Variants in C2orf72 observed in about 807,000 individuals in gnomAD.
C2orf72 encodes the protein chromosome 2 open reading frame 72, also known as uncharacterized protein C2orf72.
Under a neutral mutation model 14.4 loss-of-function variants are expected in C2orf72, and 16 were observed. The ratio of observed to expected loss-of-function variants is 1.11; its 90% CI spans 0.75 to 1.69. The LOEUF (loss-of-function observed/expected upper bound fraction) is 1.69. C2orf72 is among the 40% of genes most tolerant of loss of function. The pLI is 0.00. For synonymous variants in C2orf72, 168 were observed against 176.8 expected (o/e 0.95, Z 0.40); for missense variants, 371 against 358.3 (o/e 1.04, Z -0.29).
intron 1 of C2orf72, among the ~76,000 whole-genome samples, chr2:231,038,775 G>A (rs1559208579): frequency 1.3e-5 from 2 of 152,076 alleles, no homozygotes; most frequent in South Asian, 4.1e-4. Flanking sequence ...TGACGTGTGG[G>A]GAGGTGAGAG....
chr2:231,045,510 C>CTTT (rs1007020692), intron 2 of C2orf72, among the ~76,000 whole-genome samples: 239 of 87,420 alleles, frequency 2.7e-3, no homozygotes, highest in East Asian at 3.9e-3. Flanking sequence ...GTGTTTCAAT[C>CTTT]TTTTTTTTTT....
intron 1 of C2orf72, among the ~76,000 whole-genome samples, chr2:231,039,212 T>A (rs1258306063): frequency 6.6e-6 from 1 of 150,584 alleles, no homozygotes; most frequent in Admixed American, 6.7e-5. Context: ...TTAGGAGATA[T>A]ACCTAATGCT....
At chr2:231,046,741 C>T (rs1693422953) in intron 2 of C2orf72, 141 bp from the exon 3 acceptor site, 8 of 803,266 alleles carry the variant, frequency 1.0e-5, no homozygotes, top group Non-Finnish European at 5.8e-6. Flanking sequence ...AGGGTGTGTA[C>T]ATCGTTAAGG....
chr2:231,038,670 A>C (rs2125135713), intron 1 of C2orf72, among the ~76,000 whole-genome samples: 1 of 152,204 alleles, frequency 6.6e-6, no homozygotes, highest in South Asian at 2.1e-4. Context: ...CGGGAGCTCT[A>C]GGAGGGGCGG....
rs149449462 is a variant in C2orf72, at chr2:231,046,808, C to T, written c.749-74C>T. On this transcript the variant is annotated intron_variant, in intron 2 of 2. Transcript: ENST00000373640. ...GTAGGTATTTGCTGGGGACAACTTT[C>T]TCCTTTTCCTTCCTAGATAACTCAC... 2.0e-4 allele frequency: 291 copies of T among 1,443,636 alleles called. No homozygotes were observed. In the African/African-American group the frequency reaches 3.9e-3, roughly 19 times the overall value. The allele number at this position is 1,443,636 out of a possible 1,614,324, so 89.4% of individuals were successfully genotyped here.
chr2:231,042,227 A>C (rs1693353466), intron 2 of C2orf72, among the ~76,000 whole-genome samples: 1 of 152,122 alleles, frequency 6.6e-6, no homozygotes, highest in Non-Finnish European at 1.5e-5. Context: ...ACACCCCTCC[A>C]TGTCAATGCT....
At chr2:231,044,962 T>TATATATATATATATATATATAC (rs985747494) in intron 2 of C2orf72, among the ~76,000 whole-genome samples, 4 of 146,422 alleles carry the variant, frequency 2.7e-5, no homozygotes, top group African/African-American at 7.6e-5. Flanking sequence ...TATATATATA[T>TATATATATATATATATATATAC]ACACACACAC....
intron 1 of C2orf72, chr2:231,040,965 AC>A (rs1282783739): frequency 5.8e-6 from 1 of 172,272 alleles, no homozygotes; most frequent in African/African-American, 2.4e-5. Context: ...ATCAGAGGGA[AC>A]GTGCAGCTCT....
rs919616604 is a variant in C2orf72, at chr2:231,046,961, G to T, written c.828G>T (p.Gly276=). Reference sequence around the variant, plus strand: ...GAGACTGTGATGACCTTGGAAGGGGGTCAAAAGCCTGTGATGGAGTCGTAC... The same window carrying T: ...GAGACTGTGATGACCTTGGAAGGGGTTCAAAAGCCTGTGATGGAGTCGTAC... ...PNGDCDDLGR[G]SKACDGVVHT... Residue 276 remains glycine (G), a synonymous_variant, in exon 3 of 3, where the codon GGG becomes GGT. Transcript: ENST00000373640. 6.4e-7 allele frequency: 1 copy of T among 1,551,658 alleles called. No homozygotes were observed. Among genetic ancestry groups the T allele is most frequent in the Non-Finnish European group, 8.7e-7 (1 of 1,146,998 alleles).
intron 1 of C2orf72, among the ~76,000 whole-genome samples, chr2:231,039,939 C>A (rs1284043171): frequency 4.6e-5 from 7 of 152,152 alleles, no homozygotes; most frequent in Non-Finnish European, 8.8e-5. Context: ...GACGGGGTTT[C>A]GCCATATTGA....
intron 2 of C2orf72, 38 bp downstream of exon 2, chr2:231,041,447 G>A (rs1465436924): frequency 2.7e-6 from 4 of 1,470,070 alleles, no homozygotes; most frequent in Admixed American, 2.0e-5. Context: ...TGAGGGCCAG[G>A]TGCATGGAAT....
chr2:231,038,310 T>G (rs1435242718), intron 1 of C2orf72, 111 bp downstream of exon 1: 1 of 891,714 alleles, frequency 1.1e-6, no homozygotes, highest in East Asian at 5.1e-5. Context: ...AAACTGAGGC[T>G]CAGAGCAGGG....
At chr2:231,045,611 C>T (rs1047926078) in intron 2 of C2orf72, among the ~76,000 whole-genome samples, 2 of 151,098 alleles carry the variant, frequency 1.3e-5, no homozygotes, top group Admixed American at 6.6e-5. Context: ...CCCCGCCTCC[C>T]AGGTTCACGC....
At chr2:231,046,764 A>T in intron 2 of C2orf72, 118 bp from the exon 3 acceptor site, 1 of 1,027,304 alleles carries the variant, frequency 9.7e-7, no homozygotes, top group Non-Finnish European at 1.4e-6. Context: ...TTTGATATGT[A>T]TTTTGTTTTG....
At position 231,037,713 on chromosome 2, in the gene C2orf72, C is replaced by A. The variant is rs138198063; in HGVS notation, c.148C>A (p.Arg50=). The change falls in exon 1 of 3, where the codon CGG becomes AGG. Residue 50 remains arginine (R), a synonymous_variant. Coordinates refer to ENST00000373640, the MANE Select transcript of C2orf72 (RefSeq NM_001144994.2). Reference sequence around the variant, plus strand: ...GCGCGAACAGAGCCGCGCGCTGCTGCGGGACTTCGCACGGGCGGTGTTCCC... The same window carrying A: ...GCGCGAACAGAGCCGCGCGCTGCTGAGGGACTTCGCACGGGCGGTGTTCCC... ...WEREQSRALL[R]DFARAVFPPE... is the part of the protein sequence containing the mutation. The A allele has an allele frequency of 0.013, 13,149 of 1,023,602 alleles. 527 individuals are homozygous for A. The African/African-American group carries it at 0.13, about 10-fold the overall frequency. The allele number at this position is 1,023,602 out of a possible 1,614,324, so 63.4% of individuals were successfully genotyped here.
rs760012700 is a variant in C2orf72, at chr2:231,037,726, G to C, written c.161G>C (p.Arg54Pro). The C allele has an allele frequency of 2.7e-5, 27 of 1,014,036 alleles. No homozygotes were observed. Among genetic ancestry groups the C allele is most frequent in the Non-Finnish European group, 3.1e-5 (26 of 850,514 alleles). The allele number at this position is 1,014,036 out of a possible 1,614,324, so 62.8% of individuals were successfully genotyped here. The change falls in exon 1 of 3, where the codon CGG becomes CCG. Residue 54 changes from arginine to proline, a missense_variant. By Grantham distance (103) the Arg-to-Pro change is moderately radical (BLOSUM62 -2). Around this residue, in one of 3 missense-constraint regions of C2orf72, gnomAD observed 214 missense variants for 178.7 expected, o/e 1.20. Coordinates refer to ENST00000373640, the MANE Select transcript of C2orf72 (RefSeq NM_001144994.2). ...CGCGCGCTGCTGCGGGACTTCGCAC[G>C]GGCGGTGTTCCCGCCGGAGCCAGGC... Reference protein sequence around the residue: ...QSRALLRDFARAVFPPEPGAA... With the variant: ...QSRALLRDFAPAVFPPEPGAA...
Position 231,038,130 on chromosome 2 carries a change from C to G in C2orf72, c.565C>G (p.Pro189Ala). 1.7e-6 allele frequency: 2 copies of G among 1,181,698 alleles called. No homozygotes were observed. The highest frequency in any genetic ancestry group is 2.1e-6 in the Non-Finnish European group (2 of 955,706). The allele number at this position is 1,181,698 out of a possible 1,614,324, so 73.2% of individuals were successfully genotyped here. The change falls in exon 1 of 3, where the codon CCG becomes GCG. Residue 189 changes from proline (P) to alanine (A), a missense_variant. Coordinates refer to ENST00000373640, the MANE Select transcript of C2orf72 (RefSeq NM_001144994.2). ...VQAAAYCPGL[P>A]ASCLAVQAAA... ...GGCGGCCGCCTACTGCCCCGGCCTC[C>G]CGGCCTCCTGCCTGGCCGTCCAGGC...
At chr2:231,045,211 C>G (rs1693399944) in intron 2 of C2orf72, among the ~76,000 whole-genome samples, 1 of 151,552 alleles carries the variant, frequency 6.6e-6, no homozygotes, top group South Asian at 2.1e-4. Context: ...TTGCAGTGGG[C>G]AGAGATTTCG....
rs371541099 is a variant in C2orf72 at position 231,038,133 on chromosome 2, G to A, written c.568G>A (p.Ala190Thr). The A allele has an allele frequency of 1.2e-5, 14 of 1,176,412 alleles. No homozygotes were observed. In the East Asian group the frequency reaches 3.0e-4, roughly 25 times the overall value. The allele number at this position is 1,176,412 out of a possible 1,614,324, so 72.9% of individuals were successfully genotyped here. ...GGCCGCCTACTGCCCCGGCCTCCCG[G>A]CCTCCTGCCTGGCCGTCCAGGCGGC... ...QAAAYCPGLP[A>T]SCLAVQAAAC... The change falls in exon 1 of 3, where the codon GCC becomes ACC. Residue 190 changes from alanine to threonine, a missense_variant. Ala to Thr is a moderately conservative substitution (Grantham distance 58). This residue lies in a region of C2orf72 where 145 missense variants were observed against 149.4 expected (regional missense o/e 0.97). Transcript: ENST00000373640.
Sources: allele counts gnomAD v4.1 joint callset (sites outside exome capture counted in the v4.1 genomes callset), GRCh38; gene constraint gnomAD v4.1.1; regional missense constraint gnomAD v4.1.1; transcripts MANE v1.5; gene names NCBI Gene and HGNC (gene_info 2026-07-23, HGNC 2026-07-21).